Variants in CTCF observed in about 807,000 individuals in gnomAD.
CTCF encodes the protein CCCTC-binding factor, also known as transcriptional repressor CTCF.
CTCF carries 7 observed loss-of-function variants against 72.3 expected under a neutral mutation model. The ratio of observed to expected loss-of-function variants is 0.10; its 90% CI spans 0.06 to 0.18. The LOEUF (loss-of-function observed/expected upper bound fraction) is 0.18. Ranked by LOEUF, CTCF falls within the 10% of genes least tolerant of loss-of-function variation. The pLI is 1.00. For missense variants in CTCF, 516 were observed against 949.1 expected (o/e 0.54, Z 6.00); for synonymous variants, 374 against 315.8 (o/e 1.18, Z -1.95).
chr16:67,626,910 G>A (rs1293768610), intron 8 of CTCF, 195 bp downstream of exon 8: 1 of 398,442 alleles, frequency 2.5e-6, no homozygotes, highest in Admixed American at 4.4e-5. Flanking sequence ...GTTTTATTCA[G>A]TCACAGCTTA....
At chr16:67,609,624 C>CTTT (rs921342687) in intron 2 of CTCF, among the ~76,000 whole-genome samples, 4 of 135,406 alleles carry the variant, frequency 3.0e-5, no homozygotes, top group Admixed American at 7.4e-5. Flanking sequence ...CCTGATAATT[C>CTTT]TTTTTTTTTT....
chr16:67,638,140 C>T lies in CTCF; in HGVS notation c.*268C>T. 2.6e-6 allele frequency: 1 copy of T among 378,066 alleles called. No homozygotes were observed. Among genetic ancestry groups the T allele is most frequent in the East Asian group, 3.8e-5 (1 of 26,212 alleles). 23.4% of individuals were successfully genotyped at this position (378,066 alleles called of 1,614,324 possible). ...ACAGTGTTGACAACTAACTCGTTTT[C>T]CTAGATGGAAACGGAGACATTGACC... On this transcript the variant is annotated 3_prime_UTR_variant, in exon 12 of 12. Coordinates refer to ENST00000264010, the MANE Select transcript of CTCF (RefSeq NM_006565.4).
chr16:67,624,127 A>ATGTGTGTG (rs1567614109), intron 7 of CTCF, among the ~76,000 whole-genome samples: 2 of 124,192 alleles, frequency 1.6e-5, no homozygotes, highest in African/African-American at 7.0e-5. Context: ...ATGTGTGTGT[A>ATGTGTGTG]TATATATGTG....
chr16:67,612,178 G>T, intron 4 of CTCF, 57 bp downstream of exon 4: 5 of 1,521,278 alleles, frequency 3.3e-6, no homozygotes, highest in South Asian at 1.2e-5. Flanking sequence ...TCGCTTTTTA[G>T]TATTCATTCA....
chr16:67,604,945 A>G (rs1210894688), intron 2 of CTCF, among the ~76,000 whole-genome samples: 1 of 148,852 alleles, frequency 6.7e-6, no homozygotes, highest in Non-Finnish European at 1.5e-5. Context: ...AGTCTTTTAC[A>G]ATCAGAGGTA....
intron 10 of CTCF, among the ~76,000 whole-genome samples, chr16:67,631,172 G>GTTTTTTTTTTTTTTTTTT (rs367618037): frequency 1.6e-5 from 2 of 121,434 alleles, no homozygotes; most frequent in African/African-American, 3.3e-5. Flanking sequence ...TTTGTTTTTT[G>GTTTTTTTTTTTTTTTTTT]TTTTTTTTTT....
intron 2 of CTCF, among the ~76,000 whole-genome samples, chr16:67,588,313 G>A (rs930500625): frequency 6.6e-6 from 1 of 152,156 alleles, no homozygotes; most frequent in Non-Finnish European, 1.5e-5. Flanking sequence ...TTTATTCAAG[G>A]TGATAGACTT....
chr16:67,603,560 C>T (rs1424523122), intron 2 of CTCF, among the ~76,000 whole-genome samples: 1 of 150,464 alleles, frequency 6.6e-6, no homozygotes, highest in Non-Finnish European at 1.5e-5. Context: ...TGTGGTGGCT[C>T]ACACCTGTAA....
intron 2 of CTCF, 67 bp downstream of exon 2, chr16:67,571,331 A>T (rs934286512): frequency 7.9e-5 from 12 of 152,446 alleles, no homozygotes; most frequent in African/African-American, 2.9e-4. Flanking sequence ...GAGTTGGAGG[A>T]TTTGTTGGCT....
At chr16:67,566,671 G>C (rs915397609) in intron 1 of CTCF, among the ~76,000 whole-genome samples, 1 of 151,666 alleles carries the variant, frequency 6.6e-6, no homozygotes, top group Non-Finnish European at 1.5e-5. Flanking sequence ...CTACCTCCCA[G>C]GTTCACGCCA....
At chr16:67,612,597 A>AG (rs1555534293) in intron 4 of CTCF, 2 of 152,046 alleles carry the variant, frequency 1.3e-5, no homozygotes, top group Non-Finnish European at 2.9e-5. Context: ...CTAAAAAAAA[A>AG]GAAAAGAAAA....
chr16:67,590,068 CAA>C (rs2051718950), intron 2 of CTCF, among the ~76,000 whole-genome samples: 1 of 151,028 alleles, frequency 6.6e-6, no homozygotes, highest in South Asian at 2.1e-4. Flanking sequence ...GACTGGTCAA[CAA>C]GAGCGAAACT....
At chr16:67,605,002 T>C (rs1461427393) in intron 2 of CTCF, among the ~76,000 whole-genome samples, 1 of 131,378 alleles carries the variant, frequency 7.6e-6, no homozygotes, top group Non-Finnish European at 1.6e-5. Flanking sequence ...TGAGACAGTC[T>C]CGCTCTGTCT....
At chr16:67,595,559 C>T (rs924315468) in intron 2 of CTCF, among the ~76,000 whole-genome samples, 3 of 152,110 alleles carry the variant, frequency 2.0e-5, no homozygotes, top group South Asian at 4.1e-4. Flanking sequence ...GTCTTCTTGG[C>T]TGGCGGTATA....
At chr16:67,619,200 C>CT (rs921975382) in intron 5 of CTCF, among the ~76,000 whole-genome samples, 39 of 152,198 alleles carry the variant, frequency 2.6e-4, no homozygotes, top group Admixed American at 1.3e-4. Flanking sequence ...CTTTGGGAAG[C>CT]TGAGGCGGGT....
intron 4 of CTCF, among the ~76,000 whole-genome samples, chr16:67,613,163 T>G (rs2052083681): frequency 6.6e-6 from 1 of 152,376 alleles, no homozygotes; most frequent in African/African-American, 2.4e-5. Context: ...AACCTCTCTT[T>G]AAGCTTTCCT....
intron 2 of CTCF, among the ~76,000 whole-genome samples, chr16:67,602,419 A>C (rs912712247): frequency 5.9e-5 from 9 of 152,194 alleles, no homozygotes; most frequent in Admixed American, 4.6e-4. Context: ...ACCTTTTCTG[A>C]GAATGTCACT....
At chr16:67,575,414 G>T (rs1377507308) in intron 2 of CTCF, among the ~76,000 whole-genome samples, 2 of 151,526 alleles carry the variant, frequency 1.3e-5, no homozygotes, top group Non-Finnish European at 2.9e-5. Context: ...GGGCAGGGCA[G>T]TTCTATTAGA....
At chr16:67,586,049 A>T (rs1200380143) in intron 2 of CTCF, among the ~76,000 whole-genome samples, 4 of 152,110 alleles carry the variant, frequency 2.6e-5, no homozygotes, top group South Asian at 2.1e-4. Flanking sequence ...GTTTGTTTCA[A>T]TATTTCTAAG....
Sources: gnomAD v4.1 joint callset for allele counts (sites outside exome capture counted in the v4.1 genomes callset) on GRCh38, gnomAD v4.1.1 for gene constraint, MANE v1.5 for transcripts, NCBI Gene and HGNC (gene_info 2026-07-23, HGNC 2026-07-21) for gene names.